LRRC9: variants seen among roughly 807,000 people sequenced by gnomAD.
The protein encoded by LRRC9 is leucine rich repeat containing 9.
LRRC9 carries 122 observed loss-of-function variants against 63.2 expected under a neutral mutation model. The ratio of observed to expected loss-of-function variants is 1.93; its 90% confidence interval spans 1.67 to 2.24. LRRC9 has a LOEUF of 2.24. Among genes scored for constraint, LRRC9 ranks in the 30% most tolerant of loss-of-function variants. LRRC9 has a pLI of 0.00. For synonymous variants in LRRC9, 366 were observed against 213.1 expected (o/e 1.72, Z -6.25); for missense variants, 1,071 against 627.7 (o/e 1.71, Z -7.55).
intron 29 of LRRC9, among the ~76,000 whole-genome samples, chr14:60,034,652 T>C (rs1322264674): frequency 6.6e-6 from 1 of 152,154 alleles, no homozygotes; most frequent in Non-Finnish European, 1.5e-5. Context: ...TCCAATTCCA[T>C]CCATATTGCT....
At chr14:60,034,844 T>C (rs1017782268) in intron 29 of LRRC9, among the ~76,000 whole-genome samples, 2 of 152,204 alleles carry the variant, frequency 1.3e-5, no homozygotes, top group African/African-American at 4.8e-5. Context: ...TTGATTTCCT[T>C]CCTTTTAGAT....
rs1044014676 is a variant in LRRC9, at chr14:60,042,131, C to A, written c.3990+10068C>A. On this transcript the variant is annotated intron_variant, in intron 29 of 31. Coordinates refer to ENST00000445360, the Ensembl canonical transcript of LRRC9. The surrounding 1 kb of genome is among the most constrained non-coding windows in gnomAD (Gnocchi z 4.2). ...TGGAACCTTCGTCTCAGAGGGGCAC[C>A]CAGCTGTATGAGGTGTCAGTCAGCC... Among the ~76,000 whole-genome samples the A allele has an allele frequency of 2.0e-5, 3 of 152,176 alleles. No homozygotes were observed. Among genetic ancestry groups the A allele is most frequent in the African/African-American group, 4.8e-5 (2 of 41,442 alleles).
intron 26 of LRRC9, among the ~76,000 whole-genome samples, chr14:60,019,980 T>C (rs909578322): frequency 6.6e-6 from 1 of 151,814 alleles, no homozygotes; most frequent in African/African-American, 2.4e-5. Context: ...CGAAGTATAA[T>C]TTCCTTGCAA....
chr14:59,972,857 A>G (rs1402250071), intron 12 of LRRC9, among the ~76,000 whole-genome samples: 2 of 152,160 alleles, frequency 1.3e-5, no homozygotes, highest in East Asian at 1.9e-4. Flanking sequence ...CCATCATAGT[A>G]TGAGTTATAT....
At chr14:60,005,312 C>CTA (rs1889724640) in intron 21 of LRRC9, among the ~76,000 whole-genome samples, 1 of 152,050 alleles carries the variant, frequency 6.6e-6, no homozygotes, top group East Asian at 1.9e-4. Context: ...GTGTCTTGAC[C>CTA]TATCACTAGT....
At chr14:59,995,199 G>A (rs954917108) in intron 17 of LRRC9, among the ~76,000 whole-genome samples, 2 of 152,028 alleles carry the variant, frequency 1.3e-5, no homozygotes, top group Non-Finnish European at 2.9e-5. Flanking sequence ...TCCACATAAG[G>A]CAAATTGAAA....
downstream of LRRC9, among the ~76,000 whole-genome samples, chr14:60,066,601 T>C (rs1894888496): frequency 6.6e-6 from 1 of 152,166 alleles, no homozygotes; most frequent in Non-Finnish European, 1.5e-5. Flanking sequence ...TACATTTTCC[T>C]CCCTTCTCCA....
chr14:60,045,764 A>G (rs1192543038), intron 29 of LRRC9, among the ~76,000 whole-genome samples: 2 of 152,104 alleles, frequency 1.3e-5, no homozygotes, highest in African/African-American at 4.8e-5. Flanking sequence ...TAATAGAATG[A>G]TTTATATTCC....
intron 8 of LRRC9, among the ~76,000 whole-genome samples, chr14:59,955,046 A>T (rs954344540): frequency 1.3e-5 from 2 of 152,224 alleles, no homozygotes; most frequent in African/African-American, 4.8e-5. Context: ...TTGGTTTGCC[A>T]GTATTTTATT....
At chr14:60,001,703 G>A (rs1889378216) in intron 19 of LRRC9, among the ~76,000 whole-genome samples, 1 of 151,786 alleles carries the variant, frequency 6.6e-6, no homozygotes, top group Admixed American at 6.6e-5. Flanking sequence ...TTCATGGGTG[G>A]ATTCTATGTG....
At chr14:59,929,303 TAACAAGCATAAGAA>T (rs2139770129) in intron 3 of LRRC9, among the ~76,000 whole-genome samples, 2 of 151,806 alleles carry the variant, frequency 1.3e-5, no homozygotes, top group South Asian at 4.2e-4. Flanking sequence ...TACATGTGGC[TAACAAGCATAAGAA>T]AAAAAGTTTA....
chr14:59,928,034 T>C (rs1185085236), intron 2 of LRRC9, 43 bp downstream of exon 2: 1 of 665,838 alleles, frequency 1.5e-6, no homozygotes, highest in South Asian at 1.7e-5. Flanking sequence ...TTTGCAGTAA[T>C]ATAAAATGGA....
chr14:60,057,933 C>T (rs760344143), exon 31 of LRRC9: 3 of 691,694 alleles, frequency 4.3e-6, no homozygotes, highest in East Asian at 2.7e-5. Context: ...CAAGTGAAAA[C>T]TCCTCCCATA....
chr14:59,998,227 G>A (rs1028882304), intron 18 of LRRC9, among the ~76,000 whole-genome samples: 1 of 151,932 alleles, frequency 6.6e-6, no homozygotes, highest in African/African-American at 2.4e-5. Context: ...CACTATTAAG[G>A]AAGAAACATA....
chr14:60,024,849 A>G (rs1891402064), intron 27 of LRRC9, among the ~76,000 whole-genome samples: 1 of 147,368 alleles, frequency 6.8e-6, no homozygotes, highest in Non-Finnish European at 1.5e-5. Flanking sequence ...TTTGCGGTGT[A>G]CTTATTGTTG....
intron 26 of LRRC9, 37 bp from the exon 27 acceptor site, chr14:60,022,697 T>C: frequency 1.9e-6 from 1 of 540,278 alleles, no homozygotes; most frequent in East Asian, 3.1e-5. Flanking sequence ...TGGTTTGAAG[T>C]TAAGTTTATG....
chr14:60,058,114 G>GTTT lies in LRRC9; in HGVS notation c.4276+95_4276+97dup. The GTTT allele has an allele frequency of 2.2e-6, 1 of 455,012 alleles. No homozygotes were observed. Among genetic ancestry groups the GTTT allele is most frequent in the South Asian group, 5.6e-5 (1 of 17,740 alleles). The allele number at this position is 455,012 out of a possible 1,614,324, so 28.2% of individuals were successfully genotyped here. On this transcript the variant is annotated intron_variant, in intron 31 of 31. Transcript: ENST00000445360. This position sits in a 1 kb window ranked among gnomAD's most constrained non-coding sequence, Gnocchi z 4.4. ...TTTCTAATAGTACTTAAAATTCCTT[G>GTTT]TTTTTAACTTACATTTCCTAAAATT... is the stretch of plus-strand genomic sequence containing the variant.
rs373385272 is a variant in LRRC9 at position 59,927,074 on chromosome 14, C to T, written c.-33-837C>T. Among the ~76,000 whole-genome samples the T allele has an allele frequency of 9.2e-5, 14 of 152,046 alleles. No individual in the cohort carries two copies. The East Asian group carries it at 1.3e-3, about 15-fold the overall frequency. On this transcript the variant is annotated intron_variant, in intron 1 of 31. Transcript: ENST00000445360. This position sits in a 1 kb window ranked among gnomAD's most constrained non-coding sequence, Gnocchi z 4.4. Reference sequence around the variant, plus strand: ...AGGCTTTCACCTGCATCTAAGGAAACTCATATTAACAACTTAGTATATATC... The same window carrying T: ...AGGCTTTCACCTGCATCTAAGGAAATTCATATTAACAACTTAGTATATATC...
intron 29 of LRRC9, among the ~76,000 whole-genome samples, chr14:60,034,233 G>A (rs1170557161): frequency 6.6e-6 from 1 of 151,524 alleles, no homozygotes; most frequent in African/African-American, 2.4e-5. Context: ...TGGCCAGCAT[G>A]GTCTTAATCT....
Sources: allele counts gnomAD v4.1 joint callset (sites outside exome capture counted in the v4.1 genomes callset), GRCh38; gene constraint gnomAD v4.1.1; non-coding constraint Gnocchi (gnomAD v3.1); transcripts MANE v1.5; gene names NCBI Gene and HGNC (gene_info 2026-07-23, HGNC 2026-07-21).